Variants in KRT73 observed in about 807,000 individuals in gnomAD.
KRT73 encodes the protein keratin, type II cytoskeletal 73.
KRT73 carries 44 observed loss-of-function variants against 47.2 expected under a neutral mutation model. The ratio of observed to expected loss-of-function variants is 0.93; its 90% CI spans 0.73 to 1.20. The LOEUF (loss-of-function observed/expected upper bound fraction) is 1.20. KRT73 is among the 50% of genes most tolerant of loss of function. The pLI, the probability that KRT73 is intolerant of heterozygous loss-of-function variation, is 0.00. For missense variants in KRT73, 713 were observed against 704.5 expected (o/e 1.01, Z -0.14); for synonymous variants, 285 against 291.3 (o/e 0.98, Z 0.22).
At chr12:52,611,403 C>T (rs1024915035) in intron 5 of KRT73, 74 bp from the exon 6 acceptor site, 44 of 1,582,856 alleles carry the variant, frequency 2.8e-5, no homozygotes, top group Middle Eastern at 1.7e-4. Flanking sequence ...AGAGACTGTG[C>T]CTGCACTTGC....
intron 1 of KRT73, among the ~76,000 whole-genome samples, chr12:52,617,415 T>C (rs1940835344): frequency 6.6e-6 from 1 of 152,168 alleles, no homozygotes; most frequent in African/African-American, 2.4e-5. Flanking sequence ...GGGTGGAGCC[T>C]GAGAGTGTGC....
the KRT73 span, among the ~76,000 whole-genome samples, chr12:52,629,667 T>C: frequency 2.0e-5 from 3 of 152,332 alleles, no homozygotes; most frequent in Admixed American, 2.0e-4. Flanking sequence ...GTTCATGTTG[T>C]TGGTGACTTC....
intron 7 of KRT73, chr12:52,610,414 A>G: frequency 3.2e-6 from 2 of 619,380 alleles, no homozygotes; most frequent in Admixed American, 5.2e-5. Context: ...CACCCAGCTA[A>G]GACTTTCTCC....
the KRT73 span, among the ~76,000 whole-genome samples, chr12:52,630,066 CT>C: frequency 6.6e-6 from 1 of 152,342 alleles, no homozygotes; most frequent in East Asian, 1.9e-4. Flanking sequence ...AATCCCCACC[CT>C]TTTCCCTCTT....
At chr12:52,627,903 A>G in the KRT73 span, among the ~76,000 whole-genome samples, 11 of 151,004 alleles carry the variant, frequency 7.3e-5, no homozygotes, top group South Asian at 2.1e-4. Flanking sequence ...CAGAATGAAC[A>G]TGTGTGTGTG....
At chr12:52,614,709 T>C (rs1205010293) in intron 3 of KRT73, 35 bp from the exon 4 acceptor site, 1 of 1,576,834 alleles carries the variant, frequency 6.3e-7, no homozygotes, top group Non-Finnish European at 8.7e-7. Context: ...ACCTCACCTT[T>C]CTTCAAGCCC....
At chr12:52,609,712 T>C (rs1423338321) in intron 7 of KRT73, 1 of 170,662 alleles carries the variant, frequency 5.9e-6, no homozygotes. Flanking sequence ...AGAACAGGGT[T>C]TTTCAAATGT....
At chr12:52,629,797 T>A in the KRT73 span, among the ~76,000 whole-genome samples, 1 of 152,258 alleles carries the variant, frequency 6.6e-6, no homozygotes, top group East Asian at 1.9e-4. Flanking sequence ...TAATTCAATC[T>A]CAGCTGGGAA....
intron 5 of KRT73, chr12:52,612,907 G>C (rs1251925248): frequency 6.6e-6 from 1 of 152,184 alleles, no homozygotes; most frequent in Non-Finnish European, 1.5e-5. Context: ...TAATAATACT[G>C]TTATGATTCT....
intron 8 of KRT73, 122 bp downstream of exon 8, chr12:52,609,125 T>C (rs1940642918): frequency 7.2e-6 from 6 of 834,526 alleles, no homozygotes; most frequent in South Asian, 5.6e-5. Context: ...AAGGTGAGTA[T>C]GTGACCAAGT....
intron 8 of KRT73, among the ~76,000 whole-genome samples, chr12:52,608,965 G>A (rs927996417): frequency 7.9e-5 from 12 of 152,214 alleles, no homozygotes; most frequent in Non-Finnish European, 4.4e-5. Context: ...CGGTGTGGGG[G>A]TGACAGAAGA....
chr12:52,610,986 G>T, intron 6 of KRT73, 151 bp from the exon 7 acceptor site: 2 of 884,032 alleles, frequency 2.3e-6, no homozygotes, highest in South Asian at 1.7e-5. Flanking sequence ...GTCAACCTGA[G>T]ACTGAGAGGC....
chr12:52,609,678 TCA>T (rs1370825790), intron 7 of KRT73, among the ~76,000 whole-genome samples: 1 of 152,264 alleles, frequency 6.6e-6, no homozygotes, highest in Non-Finnish European at 1.5e-5. Flanking sequence ...TCTCCAGGTC[TCA>T]GTTATAAAAT....
In KRT73 at chr12:52,608,031, T is replaced by TTAACAAAGAC. The variant is rs1204400385; in HGVS notation, c.*155_*164dup. ...CCAGCTCTCAAATCCTGATTCAACA[T>TTAACAAAGAC]TAACAAAGACTGAGGCAGAGAGGTC... On this transcript the variant is annotated 3_prime_UTR_variant, in exon 9 of 9. Transcript: ENST00000305748. 2 of 724,154 alleles carry TTAACAAAGAC rather than the reference T, an allele frequency of 2.8e-6. No individual in the cohort carries two copies. The highest frequency in any genetic ancestry group is 3.6e-5 in the African/African-American group (2 of 55,892). 44.9% of individuals were successfully genotyped at this position (724,154 alleles called of 1,614,324 possible).
chr12:52,617,590 C>T (rs2120880983), intron 1 of KRT73, among the ~76,000 whole-genome samples: 1 of 152,320 alleles, frequency 6.6e-6, no homozygotes, highest in Admixed American at 6.5e-5. Flanking sequence ...AGCTGGGTCG[C>T]ATGGCAGTCT....
chr12:52,616,365 G>T lies in KRT73; in HGVS notation c.463C>A (p.Gln155Lys). 2 of 1,614,164 alleles carry T rather than the reference G, an allele frequency of 1.2e-6. No homozygotes were observed. The highest frequency in any genetic ancestry group is 2.2e-5 in the East Asian group (1 of 44,876). Residue 155 changes from glutamine (Q) to lysine (K), a missense_variant, in exon 2 of 9, where the codon CAG becomes AAG. Gln to Lys is a moderately conservative substitution (Grantham distance 53). Coordinates refer to ENST00000305748, the MANE Select transcript of KRT73 (RefSeq NM_175068.3). ...SFIDKVRFLE[Q>K]QNQVLETKWE... ...TTGGTCTCCAGCACCTGGTTCTGCT[G>T]CTCCAGGAACCGCACCTGGAACCCA...
At chr12:52,630,019 C>T in the KRT73 span, among the ~76,000 whole-genome samples, 12 of 152,168 alleles carry the variant, frequency 7.9e-5, no homozygotes, top group Non-Finnish European at 1.6e-4. Context: ...CCAAGGAAAA[C>T]TATAACTTGT....
the KRT73 span, among the ~76,000 whole-genome samples, chr12:52,624,647 A>G: frequency 6.6e-6 from 1 of 152,138 alleles, no homozygotes; most frequent in African/African-American, 2.4e-5. Context: ...AACAATATAC[A>G]TCTAAATAAC....
intron 1 of KRT73, among the ~76,000 whole-genome samples, chr12:52,617,341 T>C (rs1326350318): frequency 6.6e-6 from 1 of 152,196 alleles, no homozygotes; most frequent in Non-Finnish European, 1.5e-5. Context: ...CAGCATCACC[T>C]GGAGAGCTTG....
Sources: allele counts gnomAD v4.1 joint callset (sites outside exome capture counted in the v4.1 genomes callset), GRCh38; gene constraint gnomAD v4.1.1; transcripts MANE v1.5; gene names NCBI Gene and HGNC (gene_info 2026-07-23, HGNC 2026-07-21).